Variants in RAB38 observed in about 807,000 individuals in gnomAD.
RAB38 encodes RAB38, member RAS oncogene family.
In RAB38, 15 loss-of-function variants were observed where a neutral mutation model predicts 18.4. That is an observed-to-expected ratio of 0.82 (90% CI 0.55 to 1.26). RAB38 has a LOEUF of 1.26. Ranked by LOEUF, RAB38 falls within the 50% of genes most tolerant of loss-of-function variation. The probability of loss-of-function intolerance (pLI) is 0.00; values close to 1 mark genes in which losing one functional copy is unlikely to be tolerated. For synonymous variants in RAB38, 101 were observed against 104.4 expected, an observed-to-expected ratio of 0.97 and a Z score of 0.20; for missense variants, 294 against 267.4, an observed-to-expected ratio of 1.10 and a Z score of -0.69.
chr11:88,067,865 T>C, the RAB38 span, among the ~76,000 whole-genome samples: 1 of 151,346 alleles, frequency 6.6e-6, no homozygotes, highest in South Asian at 2.1e-4. Flanking sequence ...TGTATACCTA[T>C]GTAACAAACC....
chr11:87,887,697 C>T, the RAB38 span, among the ~76,000 whole-genome samples: 163 of 152,074 alleles, frequency 1.1e-3, no homozygotes, highest in Middle Eastern at 6.8e-3. Flanking sequence ...TTATTCATGT[C>T]ATGGCCAGAC....
chr11:88,052,789 A>G, the RAB38 span, among the ~76,000 whole-genome samples: 116,009 of 148,844 alleles, frequency 0.78, 45,499 homozygotes, highest in African/African-American at 0.86. Flanking sequence ...CAGTTTGTGG[A>G]GTCTCTTTAC....
At chr11:87,977,524 T>A in the RAB38 span, among the ~76,000 whole-genome samples, 5 of 109,972 alleles carry the variant, frequency 4.5e-5, no homozygotes, top group East Asian at 7.8e-4. Context: ...ATTATATAGA[T>A]AATATAATTA....
the RAB38 span, among the ~76,000 whole-genome samples, chr11:87,863,297 A>G: frequency 4.0e-5 from 6 of 151,804 alleles, no homozygotes; most frequent in Admixed American, 2.6e-4. Flanking sequence ...AGGGGGAGAG[A>G]AGGATTAAAG....
chr11:88,149,226 T>A (rs1194153729), intron 2 of RAB38, among the ~76,000 whole-genome samples: 2 of 152,252 alleles, frequency 1.3e-5, no homozygotes, highest in Admixed American at 1.3e-4. Flanking sequence ...GTGTTTGCCA[T>A]CTTTTCTTTC....
At chr11:88,076,969 AAAAAAAGAAAG>A in the RAB38 span, among the ~76,000 whole-genome samples, 134 of 112,772 alleles carry the variant, frequency 1.2e-3, 2 homozygotes, top group Non-Finnish European at 1.7e-3. Context: ...AAAAAAAAAA[AAAAAAAGAAAG>A]AAAGAAAGAA....
the RAB38 span, among the ~76,000 whole-genome samples, chr11:87,838,113 ATT>A: frequency 0.074 from 10,702 of 144,508 alleles, 538 homozygotes; most frequent in Admixed American, 0.15. Context: ...TTTTATTTTT[ATT>A]TTTATTTTTT....
In RAB38 at chr11:88,139,006, G is replaced by A. The variant is rs573087313; in HGVS notation, c.483+10669C>T. On this transcript the variant is annotated intron_variant, in intron 2 of 2. Coordinates refer to ENST00000243662, the MANE Select transcript of RAB38 (RefSeq NM_022337.3). ...TCACTGTGTTAGCCAGGATGGTCTC[G>A]ATCTCCTGACCTCATGATCCACCCG... Among the ~76,000 whole-genome samples the A allele has an allele frequency of 8.6e-5, 13 of 151,912 alleles. 1 individual carries two copies. The highest frequency in any genetic ancestry group is 6.2e-4 in the South Asian group (3 of 4,804).
the RAB38 span, among the ~76,000 whole-genome samples, chr11:87,941,379 C>T: frequency 6.6e-6 from 1 of 151,360 alleles, no homozygotes; most frequent in South Asian, 2.1e-4. Context: ...TTTTATCTGG[C>T]TGGAGCTAGT....
chr11:88,006,929 T>A, the RAB38 span, among the ~76,000 whole-genome samples: 1 of 151,540 alleles, frequency 6.6e-6, no homozygotes, highest in Non-Finnish European at 1.5e-5. Context: ...ATAAGTTCTG[T>A]CAGTCTATTG....
the RAB38 span, among the ~76,000 whole-genome samples, chr11:87,929,847 G>A: frequency 4.0e-5 from 6 of 151,642 alleles, no homozygotes; most frequent in African/African-American, 1.2e-4. Flanking sequence ...AGTTTGCTGA[G>A]AATGATGGTT....
chr11:87,821,539 AACAAGC>A, the RAB38 span, among the ~76,000 whole-genome samples: 1 of 152,170 alleles, frequency 6.6e-6, no homozygotes, highest in Non-Finnish European at 1.5e-5. Flanking sequence ...ACTAAGTCTA[AACAAGC>A]ACTGCTTATA....
chr11:87,975,853 A>C, the RAB38 span, among the ~76,000 whole-genome samples: 3 of 151,728 alleles, frequency 2.0e-5, no homozygotes, highest in Admixed American at 6.6e-5. Context: ...CCAAAGAAAA[A>C]AAGAGAAACA....
intron 2 of RAB38, 82 bp downstream of exon 2, chr11:88,149,593 C>T (rs925504789): frequency 2.1e-6 from 3 of 1,449,226 alleles, no homozygotes; most frequent in Admixed American, 2.1e-5. Flanking sequence ...ATATTATTAT[C>T]ATTATGATGA....
At chr11:88,144,769 G>A (rs951523918) in intron 2 of RAB38, among the ~76,000 whole-genome samples, 1 of 151,978 alleles carries the variant, frequency 6.6e-6, no homozygotes, top group African/African-American at 2.4e-5. Context: ...GTATCTGTCA[G>A]GAGTAGGACT....
At chr11:87,933,703 G>A in the RAB38 span, among the ~76,000 whole-genome samples, 16 of 148,584 alleles carry the variant, frequency 1.1e-4, no homozygotes, top group African/African-American at 2.8e-4. Context: ...AGTTTGCATG[G>A]AGCCAAAAAA....
chr11:87,847,305 T>C, the RAB38 span, among the ~76,000 whole-genome samples: 1 of 152,106 alleles, frequency 6.6e-6, no homozygotes, highest in Admixed American at 6.6e-5. Context: ...TAATGAATGC[T>C]TAATGTGTAG....
At chr11:88,089,075 CTATT>C in the RAB38 span, among the ~76,000 whole-genome samples, 1 of 151,914 alleles carries the variant, frequency 6.6e-6, no homozygotes, top group African/African-American at 2.4e-5. Context: ...TCAAAAGAAA[CTATT>C]TATGACATTA....
chr11:88,155,202 AC>A (rs1289943240), intron 1 of RAB38, among the ~76,000 whole-genome samples: 4 of 152,158 alleles, frequency 2.6e-5, no homozygotes, highest in African/African-American at 9.7e-5. Flanking sequence ...GTCTGGCCCC[AC>A]CCATTGTGGA....
Sources: allele counts gnomAD v4.1 joint callset (sites outside exome capture counted in the v4.1 genomes callset), GRCh38; gene constraint gnomAD v4.1.1; transcripts MANE v1.5; gene names NCBI Gene and HGNC (gene_info 2026-07-23, HGNC 2026-07-21).